The following TNK1 variants were observed in gnomAD, a reference collection of about 807,000 sequenced individuals.
TNK1 encodes the protein tyrosine kinase non receptor 1, also known as non-receptor tyrosine-protein kinase TNK1.
TNK1 carries 53 observed loss-of-function variants against 65.2 expected under a neutral mutation model. The observed-to-expected ratio is 0.81, with a 90% confidence interval of 0.65 to 1.02. The LOEUF is 1.02. Ranked by LOEUF, TNK1 falls within the 50% of genes least tolerant of loss-of-function variation. The pLI, the probability that TNK1 is intolerant of heterozygous loss-of-function variation, is 0.00. For synonymous variants in TNK1, 353 were observed against 364.6 expected (o/e 0.97, Z 0.36); for missense variants, 837 against 878.4 (o/e 0.95, Z 0.60).
chr17:7,388,915 C>T lies in TNK1; in HGVS notation c.1872+32C>T. 1.3e-6 allele frequency: 2 copies of T among 1,565,136 alleles called. No individual in the cohort carries two copies. Among genetic ancestry groups the T allele is most frequent in the Non-Finnish European group, 1.7e-6 (2 of 1,154,592 alleles). ...CCAGCCCCTTCTCTTGGGGTCCCTCCTCTCCTGCCCCTGCCGCCTGGCAGT... is the reference window on the plus strand; with the variant it reads ...CCAGCCCCTTCTCTTGGGGTCCCTCTTCTCCTGCCCCTGCCGCCTGGCAGT... On this transcript the variant is annotated intron_variant, in intron 12 of 12. Transcript: ENST00000688331. This position sits in a 1 kb window ranked among gnomAD's most constrained non-coding sequence, Gnocchi z 4.5.
rs956176441 is a variant in TNK1 at position 7,382,515 on chromosome 17, C to T, written c.-91-321C>T. On this transcript the variant is annotated intron_variant, in intron 1 of 12. Transcript: ENST00000688331. This position sits in a 1 kb window ranked among gnomAD's most constrained non-coding sequence, Gnocchi z 4.1. ...CATGTTGGAGGAAGGGAGATGTCGT[C>T]TCAGGTGTGTATGAGTGAGTTTGTG... Among the ~76,000 whole-genome samples, 1 of 152,068 alleles carries T rather than the reference C, an allele frequency of 6.6e-6. No individual in the cohort carries two copies. Among genetic ancestry groups the T allele is most frequent in the East Asian group, 1.9e-4 (1 of 5,188 alleles).
intron 6 of TNK1, 106 bp downstream of exon 6, chr17:7,384,359 G>T (rs757915090): frequency 2.6e-4 from 377 of 1,436,316 alleles, no homozygotes; most frequent in Non-Finnish European, 3.0e-4. Flanking sequence ...GCTTGGACCA[G>T]AAGGGTTATC....
Position 7,388,824 on chromosome 17 carries a change from T to G in TNK1, c.1813T>G (p.Cys605Gly). The change falls in exon 12 of 13, where the codon TGC (cysteine) becomes GGC (glycine). Residue 605 changes from cysteine (C) to glycine (G), a missense_variant. Transcript: ENST00000688331. The surrounding 1 kb of genome is among the most constrained non-coding windows in gnomAD (Gnocchi z 4.5). ...TGTGCATGGGGTCACCCACCAGGAG[T>G]GCCAGACAGCACTAGGAGCCACTGG... ...LSVHGVTHQE[C>G]QTALGATGGD... 1 of 1,607,934 alleles carries G rather than the reference T, an allele frequency of 6.2e-7. No homozygotes were observed. Among genetic ancestry groups the G allele is most frequent in the Non-Finnish European group, 8.5e-7 (1 of 1,177,160 alleles).
At position 7,388,454 on chromosome 17, in the gene TNK1, C is replaced by A. The variant is rs55641092; in HGVS notation, c.1526C>A (p.Thr509Lys). 338 of 1,613,822 alleles carry A rather than the reference C, an allele frequency of 2.1e-4. 1 individual carries two copies. In the East Asian group the frequency reaches 7.2e-3, roughly 35 times the overall value. ...GTTCTGTCCCTCGGTCCTCGTCCCA[C>A]AGGGGGTGGTTCAAGCCCCCCTGAA... ...ESVLSLGPRPTGGGSSPPEIR... is the reference protein window; with the variant it reads ...ESVLSLGPRPKGGGSSPPEIR... The change falls in exon 11 of 13, where the codon ACA (threonine) becomes AAA (lysine). Residue 509 changes from threonine to lysine, a missense_variant. By Grantham distance (78) the Thr-to-Lys change is moderately conservative. Transcript: ENST00000688331. The surrounding 1 kb of genome is among the most constrained non-coding windows in gnomAD (Gnocchi z 4.5).
Position 7,383,292 on chromosome 17 carries a change from G to T in TNK1, c.206G>T (p.Gly69Val). 2.5e-6 allele frequency: 4 copies of T among 1,614,036 alleles called. No individual in the cohort carries two copies. Among genetic ancestry groups the T allele is most frequent in the Non-Finnish European group, 3.4e-6 (4 of 1,179,910 alleles). ...LSEALKRLRS[G>V]PKSKNWVYKI... ...GAAGCTCTGAAAAGGCTACGTTCTG[G>T]GCCTAAGTCTAAGAACTGGGTCTAC... Residue 69 changes from glycine (G) to valine (V), a missense_variant, in exon 3 of 13, where the codon GGG becomes GTG. By Grantham distance (109) the Gly-to-Val change is moderately radical. Coordinates refer to ENST00000688331, the MANE Select transcript of TNK1 (RefSeq NM_003985.6).
chr17:7,384,480 G>C lies in TNK1; in HGVS notation c.867-4G>C, dbSNP rs776851269. On this transcript the variant is annotated splice_region_variant and splice_polypyrimidine_tract_variant and intron_variant, in intron 6 of 12. Transcript: ENST00000688331. ...GCCCCTTTCAGCTCCACTTCCTTCG[G>C]CAGGTGTGCCCCAGAGAGCCTGCGC... is the stretch of plus-strand genomic sequence containing the variant. 1 of 1,534,646 alleles carries C rather than the reference G, an allele frequency of 6.5e-7. No homozygotes were observed. Among genetic ancestry groups the C allele is most frequent in the East Asian group, 2.3e-5 (1 of 42,950 alleles).
chr17:7,386,491 A>G, intron 7 of TNK1, 70 bp from the exon 8 acceptor site: 1 of 1,253,624 alleles, frequency 8.0e-7, no homozygotes, highest in Non-Finnish European at 1.1e-6. Flanking sequence ...GCTCCTCTTT[A>G]TTCCTGCTCC....
chr17:7,384,029 A>AC lies in TNK1; in HGVS notation c.647dup (p.Leu217AlafsTer47). On this transcript the variant is annotated frameshift_variant, in exon 6 of 13. Coordinates refer to ENST00000688331, the MANE Select transcript of TNK1 (RefSeq NM_003985.6). LOFTEE classifies it high-confidence loss of function. ...CGCGCCTAACGGCCCCGGCCCCGAC[A>AC]CCCCCGCTGCTCGTGGCCCTGCTCT... is the stretch of plus-strand genomic sequence containing the variant. 2.0e-6 allele frequency: 3 copies of AC among 1,510,142 alleles called. No homozygotes were observed. The highest frequency in any genetic ancestry group is 1.8e-6 in the Non-Finnish European group (2 of 1,134,138). 93.5% of individuals were successfully genotyped at this position (1,510,142 alleles called of 1,614,324 possible).
Position 7,388,279 on chromosome 17 carries a change from G to A in TNK1, c.1478-127G>A. ...CTTCTCTACAAAAATACAAAAATTAGCCAGTCGTAATGGCAGGCACCTATA... is the reference window on the plus strand; with the variant it reads ...CTTCTCTACAAAAATACAAAAATTAACCAGTCGTAATGGCAGGCACCTATA... On this transcript the variant is annotated intron_variant, in intron 10 of 12. Transcript: ENST00000688331. This position sits in a 1 kb window ranked among gnomAD's most constrained non-coding sequence, Gnocchi z 4.5. 1.0e-6 allele frequency: 1 copy of A among 965,090 alleles called. No individual in the cohort carries two copies. The allele number at this position is 965,090 out of a possible 1,614,324, so 59.8% of individuals were successfully genotyped here. A position where few individuals can be genotyped will look rare whatever the true frequency, so the allele number is the denominator to read the frequency against.
At chr17:7,386,785 G>A (rs1905202987) in intron 8 of TNK1, 130 bp downstream of exon 8, 1 of 1,091,396 alleles carries the variant, frequency 9.2e-7, no homozygotes, top group Non-Finnish European at 1.3e-6. Flanking sequence ...TCCCCACTGG[G>A]TCCTGAAAGC....
intron 5 of TNK1, 48 bp downstream of exon 5, chr17:7,383,912 C>A (rs764420849): frequency 4.7e-5 from 74 of 1,570,568 alleles, no homozygotes; most frequent in Non-Finnish European, 6.0e-5. Context: ...GCGGCAGGAG[C>A]GTGGGCGGCC....
Position 7,384,705 on chromosome 17 carries a change from A to G in TNK1, c.1088A>G (p.His363Arg), listed in dbSNP as rs1597680132. The G allele has an allele frequency of 6.3e-7, 1 of 1,587,632 alleles. No individual in the cohort carries two copies. The highest frequency in any genetic ancestry group is 8.5e-7 in the Non-Finnish European group (1 of 1,170,284). ...CTCGCCTTGCGCTGCTGGGCCCCCCACCCTGCCGACCGGCCTAGCTTTTCC... is the reference window on the plus strand; with the variant it reads ...CTCGCCTTGCGCTGCTGGGCCCCCCGCCCTGCCGACCGGCCTAGCTTTTCC... Reference protein sequence around the residue: ...YSLALRCWAPHPADRPSFSHL... With the variant: ...YSLALRCWAPRPADRPSFSHL... The change falls in exon 7 of 13, where the codon CAC becomes CGC. Residue 363 changes from histidine to arginine, a missense_variant. His to Arg is a conservative substitution (Grantham distance 29). Transcript: ENST00000688331.
rs376034519 is a variant in TNK1, at chr17:7,382,198, G to A, written c.-91-638G>A. ...GAAGAATTGCTTGAACCCGGGAGGC[G>A]GAGGTTGCAGCGAGCTGAGATCACG... On this transcript the variant is annotated intron_variant, in intron 1 of 12. Coordinates refer to ENST00000688331, the MANE Select transcript of TNK1 (RefSeq NM_003985.6). This position sits in a 1 kb window ranked among gnomAD's most constrained non-coding sequence, Gnocchi z 4.1. 7.9e-5 allele frequency among the ~76,000 whole-genome samples: 12 copies of A among 152,032 alleles called. No individual in the cohort carries two copies. In the East Asian group the frequency reaches 1.5e-3, roughly 20 times the overall value.
chr17:7,385,360 G>A (rs11653257), intron 7 of TNK1, among the ~76,000 whole-genome samples: 110,332 of 142,608 alleles, frequency 0.77, 43,236 homozygotes, highest in Non-Finnish European at 0.89. Flanking sequence ...AGCGAACTCC[G>A]TCTCAAAAAA....
Position 7,383,285 on chromosome 17 carries a change from C to T in TNK1, c.199C>T (p.Arg67Cys), listed in dbSNP as rs907955923. The change falls in exon 3 of 13, where the codon CGT becomes TGT. Residue 67 changes from arginine to cysteine, a missense_variant. Coordinates refer to ENST00000688331, the MANE Select transcript of TNK1 (RefSeq NM_003985.6). ...RRLSEALKRL[R>C]SGPKSKNWVY... is the part of the protein sequence containing the mutation. ...ACTGTCCGAAGCTCTGAAAAGGCTA[C>T]GTTCTGGGCCTAAGTCTAAGAACTG... The T allele has an allele frequency of 6.8e-6, 11 of 1,614,028 alleles. 1 individual carries two copies. The highest frequency in any genetic ancestry group is 6.7e-5 in the East Asian group (3 of 44,890).
At chr17:7,386,002 A>G (rs951373030) in intron 7 of TNK1, among the ~76,000 whole-genome samples, 1 of 152,190 alleles carries the variant, frequency 6.6e-6, no homozygotes, top group African/African-American at 2.4e-5. Context: ...GCTGTTCCCT[A>G]AGCTGCTACA....
chr17:7,388,652 C>T lies in TNK1; in HGVS notation c.1724C>T (p.Ala575Val). 6.2e-7 allele frequency: 1 copy of T among 1,613,978 alleles called. No homozygotes were observed. Reference protein sequence around the residue: ...MGMPGARKAAALSGGLLSDPE... With the variant: ...MGMPGARKAAVLSGGLLSDPE... The stretch of plus-strand genomic sequence containing the variant: ...ATGCCTGGAGCCCGTAAAGCCGCTG[C>T]CCTCTCTGGAGGCCTCTTGTCCGAT... The change falls in exon 11 of 13, where the codon GCC becomes GTC. Residue 575 changes from alanine to valine, a missense_variant. Transcript: ENST00000688331. The surrounding 1 kb of genome is among the most constrained non-coding windows in gnomAD (Gnocchi z 4.5).
In TNK1 at chr17:7,388,773, C is replaced by A; in HGVS notation, c.1777-15C>A. ...GGCAGGGGCAGGGGCCTGAGTGAGG[C>A]TTTGTCTGTCACAGGTGGAGCTGAG... On this transcript the variant is annotated splice_polypyrimidine_tract_variant and intron_variant, in intron 11 of 12. Coordinates refer to ENST00000688331, the MANE Select transcript of TNK1 (RefSeq NM_003985.6). This position sits in a 1 kb window ranked among gnomAD's most constrained non-coding sequence, Gnocchi z 4.5. 6.2e-7 allele frequency: 1 copy of A among 1,604,674 alleles called. No individual in the cohort carries two copies. Among genetic ancestry groups the A allele is most frequent in the East Asian group, 2.2e-5 (1 of 44,764 alleles).
chr17:7,386,302 G>A (rs1905174322), intron 7 of TNK1, among the ~76,000 whole-genome samples: 1 of 152,130 alleles, frequency 6.6e-6, no homozygotes, highest in South Asian at 2.1e-4. Context: ...TGGAGTGAAA[G>A]CAGTGTACAG....
Sources: allele counts gnomAD v4.1 joint callset (sites outside exome capture counted in the v4.1 genomes callset), GRCh38; gene constraint gnomAD v4.1.1; non-coding constraint Gnocchi (gnomAD v3.1); transcripts MANE v1.5; gene names NCBI Gene and HGNC (gene_info 2026-07-23, HGNC 2026-07-21).